CACNA1I: variants seen among roughly 807,000 people sequenced by gnomAD.
CACNA1I encodes voltage-dependent T-type calcium channel subunit alpha-1I.
A neutral mutation model predicts 201.6 loss-of-function variants in CACNA1I; 74 were observed. The ratio of observed to expected loss-of-function variants is 0.37; its 90% CI spans 0.30 to 0.45. The LOEUF is 0.45. Among genes scored for constraint, CACNA1I ranks in the 20% least tolerant of loss-of-function variants. The probability of loss-of-function intolerance (pLI) is 1.00; values close to 1 mark genes in which losing one functional copy is unlikely to be tolerated. For missense variants in CACNA1I, 2,346 were observed against 3,138.1 expected, an observed-to-expected ratio of 0.75 and a Z score of 6.03; for synonymous variants, 1,431 against 1,345.2, an observed-to-expected ratio of 1.06 and a Z score of -1.40.
intron 20 of CACNA1I, 32 bp from the exon 21 acceptor site, chr22:39,664,705 CGG>C: frequency 2.7e-6 from 3 of 1,111,174 alleles, no homozygotes; most frequent in Non-Finnish European, 3.9e-6. Context: ...GCCCCTCCCG[CGG>C]CAGCCTGACC....
intron 10 of CACNA1I, among the ~76,000 whole-genome samples, chr22:39,655,664 A>ATCTGTCTG (rs944733307): frequency 6.6e-6 from 1 of 150,658 alleles, no homozygotes; most frequent in African/African-American, 2.4e-5. Context: ...CCTTGTCTCT[A>ATCTGTCTG]TCTGTCTGTC....
chr22:39,669,387 A>G (rs1935295585), intron 24 of CACNA1I, among the ~76,000 whole-genome samples: 1 of 152,218 alleles, frequency 6.6e-6, no homozygotes, highest in South Asian at 2.1e-4. Flanking sequence ...ACATGCGTAC[A>G]TGGATTCCAC....
chr22:39,617,084 G>A (rs1933560023), intron 3 of CACNA1I, among the ~76,000 whole-genome samples: 1 of 152,200 alleles, frequency 6.6e-6, no homozygotes, highest in Non-Finnish European at 1.5e-5. Flanking sequence ...ATGGGCCCGC[G>A]CTCAAATGAG....
intron 1 of CACNA1I, among the ~76,000 whole-genome samples, chr22:39,577,181 C>T (rs143500928): frequency 1.6e-3 from 240 of 152,256 alleles, no homozygotes; most frequent in African/African-American, 5.6e-3. Flanking sequence ...ATTACAGAAG[C>T]GCACCACCAT....
In CACNA1I at chr22:39,662,297, C is replaced by T. The variant is rs930525067; in HGVS notation, c.3234C>T (p.Pro1078=). 1.3e-6 allele frequency: 2 copies of T among 1,501,242 alleles called. No individual in the cohort carries two copies. Among genetic ancestry groups the T allele is most frequent in the Non-Finnish European group, 1.8e-6 (2 of 1,132,016 alleles). 93.0% of individuals were successfully genotyped at this position (1,501,242 alleles called of 1,614,324 possible). A position where few individuals can be genotyped will look rare whatever the true frequency, so the allele number is the denominator to read the frequency against. Residue 1078 remains proline (P), a synonymous_variant, in exon 17 of 37, where the codon CCC becomes CCT. Coordinates refer to ENST00000402142, the MANE Select transcript of CACNA1I (RefSeq NM_021096.4). The stretch of plus-strand genomic sequence containing the variant: ...TGGTGCCCGCGGTGGGCGCCCACCC[C>T]CGGGCCGCCTGGAGGGCGGCAGGCC... ...AELVPAVGAH[P]RAAWRAAGPA...
rs1439132414 is a variant in CACNA1I at position 39,661,266 on chromosome 22, A to G, written c.2857A>G (p.Ser953Gly). ...MLVALGSRKS[S>G]VMSLGRMSYD... Reference sequence around the variant, plus strand: ...GGTGGCCCTGGGCTCCCGAAAGAGCAGTGTCATGTCTCTAGGGAGGATGAG... The same window carrying G: ...GGTGGCCCTGGGCTCCCGAAAGAGCGGTGTCATGTCTCTAGGGAGGATGAG... Residue 953 changes from serine to glycine, a missense_variant, in exon 16 of 37, where the codon AGT becomes GGT. Physicochemically the swap from Ser to Gly is moderately conservative, Grantham distance 56 (BLOSUM62 0). This residue lies in a region of CACNA1I where 288 missense variants were observed against 255.2 expected (regional missense o/e 1.13). Coordinates refer to ENST00000402142, the MANE Select transcript of CACNA1I (RefSeq NM_021096.4). The G allele has an allele frequency of 1.2e-6, 2 of 1,608,488 alleles. No homozygotes were observed. The highest frequency in any genetic ancestry group is 2.2e-5 in the South Asian group (2 of 90,314).
intron 3 of CACNA1I, among the ~76,000 whole-genome samples, chr22:39,613,740 G>A (rs1223300800): frequency 6.6e-6 from 1 of 152,244 alleles, no homozygotes; most frequent in African/African-American, 2.4e-5. Context: ...GGAGGCGCTG[G>A]CCTGCTCCGG....
At chr22:39,656,641 G>GGAATGAATGAATGAAT (rs112171045) in intron 10 of CACNA1I, 61 of 517,660 alleles carry the variant, frequency 1.2e-4, no homozygotes, top group African/African-American at 9.7e-4. Flanking sequence ...TAGCCATGCA[G>GGAATGAATGAATGAAT]GAATGAATGA....
chr22:39,664,715 AC>A, intron 20 of CACNA1I, 23 bp from the exon 21 acceptor site: 1 of 504,774 alleles, frequency 2.0e-6, no homozygotes, highest in Non-Finnish European at 3.3e-6. Flanking sequence ...CGGCAGCCTG[AC>A]CCCGGCCCCA....
chr22:39,617,771 C>T (rs866576876), intron 3 of CACNA1I, among the ~76,000 whole-genome samples: 31 of 142,282 alleles, frequency 2.2e-4, no homozygotes, highest in Middle Eastern at 3.7e-3. Context: ...CCCCGCCCAC[C>T]GCACCCCTCC....
rs770437627 is a variant in CACNA1I at position 39,664,732 on chromosome 22, G to GGCCCCACCCCCT, written c.3667-7_3667-6insGCCCCACCCCCT. 9.6e-6 allele frequency: 4 copies of GGCCCCACCCCCT among 416,978 alleles called. No homozygotes were observed. In the South Asian group the frequency reaches 1.2e-4, roughly 13 times the overall value. The allele number at this position is 416,978 out of a possible 1,614,324, so 25.8% of individuals were successfully genotyped here. On this transcript the variant is annotated splice_region_variant and splice_polypyrimidine_tract_variant and intron_variant, in intron 20 of 36. Transcript: ENST00000402142. ...GCAGCCTGACCCCGGCCCCACCCCC[G>GGCCCCACCCCCT]CCCCAGGTAGTCTCGCTGGGCCTGT...
Position 39,646,871 on chromosome 22 carries a change from C to A in CACNA1I, c.1452C>A (p.Pro484=), listed in dbSNP as rs1343746747. Residue 484 remains proline, a synonymous_variant, in exon 8 of 37, where the codon CCC becomes CCA. Coordinates refer to ENST00000402142, the MANE Select transcript of CACNA1I (RefSeq NM_021096.4). ...AACCTGGGCCCCACGCCAAGGAGCCCCGGCACTACCGTAAGTGGCCCTGCA... is the reference window on the plus strand; with the variant it reads ...AACCTGGGCCCCACGCCAAGGAGCCACGGCACTACCGTAAGTGGCCCTGCA... ...PAKPGPHAKE[P]RHYHGKTKGQ... 6.7e-7 allele frequency: 1 copy of A among 1,502,054 alleles called. No homozygotes were observed. Among genetic ancestry groups the A allele is most frequent in the South Asian group, 1.3e-5 (1 of 76,886 alleles). 93.0% of individuals were successfully genotyped at this position (1,502,054 alleles called of 1,614,324 possible).
chr22:39,662,440 G>GT lies in CACNA1I; in HGVS notation c.3372+6dup. On this transcript the variant is annotated splice_donor_region_variant and intron_variant, in intron 17 of 36. Coordinates refer to ENST00000402142, the MANE Select transcript of CACNA1I (RefSeq NM_021096.4). ...GATGAGGAGGAAATCGACTACGTGAGTGGGGGCGGGGCCGAAGGGGACCTG... is the reference window on the plus strand; with the variant it reads ...GATGAGGAGGAAATCGACTACGTGAGTTGGGGGCGGGGCCGAAGGGGACCTG... 1 of 1,432,398 alleles carries GT rather than the reference G, an allele frequency of 7.0e-7. No homozygotes were observed. Among genetic ancestry groups the GT allele is most frequent in the Non-Finnish European group, 9.1e-7 (1 of 1,100,656 alleles). The allele number at this position is 1,432,398 out of a possible 1,614,324, so 88.7% of individuals were successfully genotyped here. A position where few individuals can be genotyped will look rare whatever the true frequency, so the allele number is the denominator to read the frequency against.
intron 3 of CACNA1I, among the ~76,000 whole-genome samples, chr22:39,616,438 C>T (rs1187757814): frequency 1.3e-5 from 2 of 152,128 alleles, no homozygotes; most frequent in Non-Finnish European, 2.9e-5. Flanking sequence ...TTCCTGCCAC[C>T]CCTTGTTGTA....
At chr22:39,620,742 GT>G (rs141420741) in intron 4 of CACNA1I, among the ~76,000 whole-genome samples, 2 of 128,502 alleles carry the variant, frequency 1.6e-5, no homozygotes, top group Admixed American at 8.1e-5. Context: ...TGTTGTTGTT[GT>G]TTGTTTGTTT....
rs956967823 is a variant in CACNA1I, at chr22:39,604,454, C to T, written c.482+3801C>T. 3.3e-5 allele frequency among the ~76,000 whole-genome samples: 5 copies of T among 152,108 alleles called. No homozygotes were observed. In the South Asian group the frequency reaches 6.2e-4, roughly 19 times the overall value. Reference sequence around the variant, plus strand: ...ATGTGTGCGGTCACACAGGGCCCCACGCTTGGGTCCATACTCTGCTGTCAC... The same window carrying T: ...ATGTGTGCGGTCACACAGGGCCCCATGCTTGGGTCCATACTCTGCTGTCAC... On this transcript the variant is annotated intron_variant, in intron 3 of 36. Transcript: ENST00000402142.
chr22:39,635,941 C>T (rs373585066), intron 5 of CACNA1I, among the ~76,000 whole-genome samples: 80 of 152,100 alleles, frequency 5.3e-4, no homozygotes, highest in African/African-American at 1.9e-3. Flanking sequence ...CTTGACTCAT[C>T]TCTCTGAAAT....
rs1032896449 is a variant in CACNA1I at position 39,685,088 on chromosome 22, T to A, written c.6027+590T>A. 1 of 172,138 alleles carries A rather than the reference T, an allele frequency of 5.8e-6. No homozygotes were observed. Among genetic ancestry groups the A allele is most frequent in the South Asian group, 1.5e-4 (1 of 6,504 alleles). The allele number at this position is 172,138 out of a possible 1,614,324, so 10.7% of individuals were successfully genotyped here. On this transcript the variant is annotated intron_variant, in intron 36 of 36. Transcript: ENST00000402142. This position sits in a 1 kb window ranked among gnomAD's most constrained non-coding sequence, Gnocchi z 5.0. The stretch of plus-strand genomic sequence containing the variant: ...GTGCAGTTGATTCACTGGGTGACTG[T>A]CTGACCCGTCACACCAGGCTGTGTG...
chr22:39,585,714 A>C (rs890408874), intron 1 of CACNA1I, among the ~76,000 whole-genome samples: 3 of 138,812 alleles, frequency 2.2e-5, no homozygotes, highest in Admixed American at 8.0e-5. Flanking sequence ...AAAAAAAAAA[A>C]AAAACTTTTA....
Sources: allele counts gnomAD v4.1 joint callset (sites outside exome capture counted in the v4.1 genomes callset), GRCh38; gene constraint gnomAD v4.1.1; regional missense constraint gnomAD v4.1.1; non-coding constraint Gnocchi (gnomAD v3.1); transcripts MANE v1.5; gene names NCBI Gene and HGNC (gene_info 2026-07-23, HGNC 2026-07-21).